The following TEDC1 variants were observed in gnomAD, a reference collection of about 807,000 sequenced individuals.
The protein encoded by TEDC1 is tubulin epsilon and delta complex protein 1.
TEDC1 carries 54 observed loss-of-function variants against 59.9 expected under a neutral mutation model. That is an observed-to-expected ratio of 0.90 (90% CI 0.72 to 1.13). TEDC1 has a LOEUF of 1.13. Ranked by LOEUF, TEDC1 falls within the 50% of genes most tolerant of loss-of-function variation. TEDC1 has a pLI of 0.00. For synonymous variants in TEDC1, 353 were observed against 298.1 expected (o/e 1.18, Z -1.90); for missense variants, 734 against 683.4 (o/e 1.07, Z -0.83).
chr14:105,499,170 A>G lies in TEDC1; in HGVS notation c.*224A>G, dbSNP rs1257246536. ...TGGCTGGTCCCTTGAGGAGGTCGTG[A>G]CAGGCTCAGCCTGGTGGTCTGGAGG... is the stretch of plus-strand genomic sequence containing the variant. On this transcript the variant is annotated 3_prime_UTR_variant, in exon 9 of 9. Transcript: ENST00000392523. 2 of 592,566 alleles carry G rather than the reference A, an allele frequency of 3.4e-6. No homozygotes were observed. The highest frequency in any genetic ancestry group is 2.8e-5 in the East Asian group (1 of 35,232). 36.7% of individuals were successfully genotyped at this position (592,566 alleles called of 1,614,324 possible).
intron 7 of TEDC1, 153 bp from the exon 8 acceptor site, chr14:105,497,645 G>C (rs1365610251): frequency 1.7e-6 from 2 of 1,160,514 alleles, no homozygotes; most frequent in Non-Finnish European, 2.4e-6. Flanking sequence ...TGGCCTTCTA[G>C]AGTGTGGCCT....
chr14:105,491,654 G>GCT lies in TEDC1; in HGVS notation c.184_185dup (p.Pro63ArgfsTer21), dbSNP rs1176524018. ...CGCTCTGGCAGCTCCTCTTCCGTGT[G>GCT]CTCTCGCCACTCCCTGCGGGCAACG... On this transcript the variant is annotated frameshift_variant, in exon 2 of 9. Transcript: ENST00000392523. LOFTEE classifies it high-confidence loss of function. 1.1e-5 allele frequency: 17 copies of GCT among 1,549,552 alleles called. No homozygotes were observed. Among genetic ancestry groups the GCT allele is most frequent in the Non-Finnish European group, 1.5e-5 (17 of 1,146,850 alleles).
In TEDC1 at chr14:105,499,026, C is replaced by G; in HGVS notation, c.*80C>G. 7.1e-7 allele frequency: 1 copy of G among 1,404,690 alleles called. No homozygotes were observed. Among genetic ancestry groups the G allele is most frequent in the Non-Finnish European group, 9.5e-7 (1 of 1,050,700 alleles). The allele number at this position is 1,404,690 out of a possible 1,614,324, so 87.0% of individuals were successfully genotyped here. On this transcript the variant is annotated 3_prime_UTR_variant, in exon 9 of 9. Transcript: ENST00000392523. The stretch of plus-strand genomic sequence containing the variant: ...GTCTTGGAGGAGCAGATTCCAAGGC[C>G]AGGTGGCCGCAGGGACGATGCAGAT...
In TEDC1 at chr14:105,497,885, G is replaced by A. The variant is rs369626772; in HGVS notation, c.1066G>A (p.Gly356Ser). Residue 356 changes from glycine to serine, a missense_variant, in exon 8 of 9, where the codon GGC becomes AGC. By Grantham distance (56) the Gly-to-Ser change is moderately conservative (BLOSUM62 0). Coordinates refer to ENST00000392523, the MANE Select transcript of TEDC1 (RefSeq NM_001367178.1). ...FLPWVPERGG[G>S]ELDLVVRELQ... ...GCCCTGGGTCCCCGAGCGCGGGGGT[G>A]GCGAGTTGGACCTGGTAGTGCGGGA... 5.8e-6 allele frequency: 9 copies of A among 1,558,662 alleles called. No homozygotes were observed. In the African/African-American group the frequency reaches 6.8e-5, roughly 12 times the overall value.
chr14:105,498,879 G>A lies in TEDC1; in HGVS notation c.1421G>A (p.Arg474Gln), dbSNP rs370166565. The A allele has an allele frequency of 1.2e-5, 20 of 1,611,906 alleles. No individual in the cohort carries two copies. Among genetic ancestry groups the A allele is most frequent in the Middle Eastern group, 1.7e-4 (1 of 5,968 alleles). Residue 474 changes from arginine (R) to glutamine (Q), a missense_variant, in exon 9 of 9, where the codon CGG becomes CAG. Arg to Gln is a conservative substitution (Grantham distance 43). Transcript: ENST00000392523. ...CTACGTCGACTACAGGGACAGTGTCGGCAGGAACTGGCCAGGCTGGTGGGA... is the reference window on the plus strand; with the variant it reads ...CTACGTCGACTACAGGGACAGTGTCAGCAGGAACTGGCCAGGCTGGTGGGA... ...AVLRRLQGQC[R>Q]QELARLVGAR...
intron 5 of TEDC1, chr14:105,494,167 G>A (rs77656590): frequency 0.013 from 7,473 of 578,534 alleles, 443 homozygotes; most frequent in African/African-American, 0.12. Context: ...GACGTGGCAC[G>A]GGTGGGGGCC....
chr14:105,491,220 A>T (rs896219472), upstream of TEDC1: 3 of 1,542,006 alleles, frequency 1.9e-6, no homozygotes, highest in African/African-American at 4.1e-5. Flanking sequence ...TGGGCGCTGG[A>T]CCCGGCCCGT....
intron 2 of TEDC1, 21 bp from the exon 3 acceptor site, chr14:105,492,086 G>C (rs782169968): frequency 6.4e-7 from 1 of 1,572,592 alleles, no homozygotes; most frequent in East Asian, 2.4e-5. Flanking sequence ...GTCCCCCTAA[G>C]GTGGTGGTCT....
At chr14:105,490,909 G>A (rs1595468006), upstream of TEDC1, 4 of 1,000,912 alleles carry the variant, frequency 4.0e-6, no homozygotes, top group Non-Finnish European at 6.0e-6. Flanking sequence ...GGGTCTGAGC[G>A]AGGCGGGGTG....
At chr14:105,491,742 C>A in intron 2 of TEDC1, 42 bp downstream of exon 2, 1 of 1,525,146 alleles carries the variant, frequency 6.6e-7, no homozygotes. Flanking sequence ...TAGCACTGGC[C>A]CCGCCTACTC....
Position 105,495,901 on chromosome 14 carries a change from C to G in TEDC1, c.706C>G (p.Gln236Glu), listed in dbSNP as rs1459425844. 12 of 1,550,018 alleles carry G rather than the reference C, an allele frequency of 7.7e-6. No individual in the cohort carries two copies. Among genetic ancestry groups the G allele is most frequent in the Non-Finnish European group, 8.7e-6 (10 of 1,146,864 alleles). Residue 236 changes from glutamine (Q) to glutamate (E), a missense_variant, in exon 6 of 9, where the codon CAA (glutamine) becomes GAA (glutamate). Physicochemically the swap from Gln to Glu is conservative, Grantham distance 29. Coordinates refer to ENST00000392523, the MANE Select transcript of TEDC1 (RefSeq NM_001367178.1). Reference protein sequence around the residue: ...GQQVSGAGAAQNLDLAYPKCL... With the variant: ...GQQVSGAGAAENLDLAYPKCL... ...CAAGGTTTCTGGAGCGGGAGCTGCC[C>G]AAAACCTGGACCTGGCCTACCCAAA...
Position 105,496,045 on chromosome 14 carries a change from G to T in TEDC1, c.850G>T (p.Gly284Cys). 2.6e-6 allele frequency: 4 copies of T among 1,549,878 alleles called. No homozygotes were observed. The highest frequency in any genetic ancestry group is 3.5e-6 in the Non-Finnish European group (4 of 1,146,868). ...PGDWAAPLDP[G>C]GASACSLLSP... ...TGACTGGGCAGCACCCTTGGATCCT[G>T]GTGGGGCCTCAGCCTGCAGCCTGCT... Residue 284 changes from glycine (G) to cysteine (C), a missense_variant, in exon 6 of 9, where the codon GGT (glycine) becomes TGT (cysteine). Transcript: ENST00000392523.
At position 105,492,174 on chromosome 14, in the gene TEDC1, A is replaced by G; in HGVS notation, c.294A>G (p.Gln98=). 2.5e-6 allele frequency: 4 copies of G among 1,612,998 alleles called. No homozygotes were observed. The highest frequency in any genetic ancestry group is 2.5e-6 in the Non-Finnish European group (3 of 1,179,886). The part of the protein sequence containing the change: ...SQGYPRLALA[Q]LPEDGSQGSR... ...GCTACCCGAGGCTGGCACTGGCACA[A>G]CTACCTGAGGATGGCTCGCAGGGCA... Residue 98 remains glutamine, a synonymous_variant, in exon 3 of 9, where the codon CAA becomes CAG. Coordinates refer to ENST00000392523, the MANE Select transcript of TEDC1 (RefSeq NM_001367178.1).
At chr14:105,495,849 G>A in intron 5 of TEDC1, 31 bp from the exon 6 acceptor site, 3 of 1,506,138 alleles carry the variant, frequency 2.0e-6, no homozygotes, top group Non-Finnish European at 9.0e-7. Flanking sequence ...CTGGCCAGGT[G>A]GACTGGGGCC....
At chr14:105,495,459 A>C (rs1335326011) in intron 5 of TEDC1, 2 of 171,890 alleles carry the variant, frequency 1.2e-5, no homozygotes, top group African/African-American at 4.8e-5. Flanking sequence ...CCAGCTCTGC[A>C]GCCCAAGCCT....
At chr14:105,490,793 C>A (rs1278760726), upstream of TEDC1, 22 of 574,268 alleles carry the variant, frequency 3.8e-5, no homozygotes, top group African/African-American at 1.5e-4. Flanking sequence ...GGGCGAGGCT[C>A]GTCCGCTCCG....
intron 6 of TEDC1, 120 bp from the exon 7 acceptor site, chr14:105,497,237 A>AGGGGCGGGGCGTGAGCTAGGCGTT (rs2084366471): frequency 2.1e-6 from 2 of 969,318 alleles, no homozygotes; most frequent in Non-Finnish European, 3.1e-6. Context: ...GGAGGGCTGC[A>AGGGGCGGGGCGTGAGCTAGGCGTT]GGGGCGGGGC....
chr14:105,496,134 G>C, intron 6 of TEDC1, 48 bp downstream of exon 6: 1 of 945,648 alleles, frequency 1.1e-6, no homozygotes, highest in Non-Finnish European at 1.5e-6. Flanking sequence ...GGACTTGGGG[G>C]TGGGTGGGAG....
At chr14:105,491,918 A>G (rs1291832785) in intron 2 of TEDC1, among the ~76,000 whole-genome samples, 189 bp from the exon 3 acceptor site, 2 of 152,310 alleles carry the variant, frequency 1.3e-5, no homozygotes, top group Non-Finnish European at 2.9e-5. Context: ...GCTCCTACAA[A>G]GCCCTGGGGA....
Sources: allele counts gnomAD v4.1 joint callset (sites outside exome capture counted in the v4.1 genomes callset), GRCh38; gene constraint gnomAD v4.1.1; transcripts MANE v1.5; gene names NCBI Gene and HGNC (gene_info 2026-07-23, HGNC 2026-07-21).